SH3GL2: variants seen among roughly 807,000 people sequenced by gnomAD.
SH3GL2 encodes SH3 domain containing GRB2 like 2, endophilin A1.
Under a neutral mutation model 46.0 loss-of-function variants are expected in SH3GL2, and 24 were observed. The ratio of observed to expected loss-of-function variants is 0.52; its 90% CI spans 0.38 to 0.73. The LOEUF (loss-of-function observed/expected upper bound fraction) is 0.73. SH3GL2 is among the 30% of genes least tolerant of loss of function. The pLI, the probability that SH3GL2 is intolerant of heterozygous loss-of-function variation, is 0.00. For missense variants in SH3GL2, 413 were observed against 424.2 expected, an observed-to-expected ratio of 0.97 and a Z score of 0.23; for synonymous variants, 196 against 147.1, an observed-to-expected ratio of 1.33 and a Z score of -2.40.
At chr9:17,650,112 A>G (rs978521331) in intron 1 of SH3GL2, among the ~76,000 whole-genome samples, 1 of 152,228 alleles carries the variant, frequency 6.6e-6, no homozygotes, top group African/African-American at 2.4e-5. Context: ...TTTTCACTTA[A>G]GAACAGCAGT....
intron 1 of SH3GL2, among the ~76,000 whole-genome samples, chr9:17,648,319 G>A (rs534539758): frequency 4.4e-4 from 67 of 152,256 alleles, no homozygotes; most frequent in African/African-American, 1.6e-3. Context: ...ATGTACAAAG[G>A]TGCTGTACAA....
At chr9:17,786,667 T>C in intron 4 of SH3GL2, 143 bp downstream of exon 4, 1 of 749,992 alleles carries the variant, frequency 1.3e-6, no homozygotes, top group Non-Finnish European at 2.2e-6. Flanking sequence ...GCCAAAAATT[T>C]GTTTTCAGAA....
chr9:17,706,934 T>C (rs914241827), intron 1 of SH3GL2, among the ~76,000 whole-genome samples: 6 of 152,102 alleles, frequency 3.9e-5, no homozygotes, highest in African/African-American at 1.4e-4. Flanking sequence ...GCAGTGTGCT[T>C]TGGCCAGAGA....
chr9:17,693,783 G>T (rs1248093631), intron 1 of SH3GL2, among the ~76,000 whole-genome samples: 1 of 152,190 alleles, frequency 6.6e-6, no homozygotes, highest in East Asian at 1.9e-4. Context: ...CAAGGCTTTT[G>T]ATGGGAGAGG....
chr9:17,678,502 C>T (rs970936321), intron 1 of SH3GL2, among the ~76,000 whole-genome samples: 11 of 152,036 alleles, frequency 7.2e-5, no homozygotes, highest in East Asian at 5.8e-4. Context: ...TGTAAATTTG[C>T]TTGAGTTCAT....
Position 17,789,830 on chromosome 9 carries a change from T to C in SH3GL2, c.624+280T>C, listed in dbSNP as rs997172931. 4.4e-6 allele frequency: 4 copies of C among 902,980 alleles called. No individual in the cohort carries two copies. The African/African-American group carries it at 7.2e-5, about 16-fold the overall frequency. 55.9% of individuals were successfully genotyped at this position (902,980 alleles called of 1,614,324 possible). A position where few individuals can be genotyped will look rare whatever the true frequency, so the allele number is the denominator to read the frequency against. ...TGATGGGGTTAAAGTCTTGAATATA[T>C]CATGTAATTTATCGAATAACGCATT... On this transcript the variant is annotated intron_variant, in intron 6 of 8. Coordinates refer to ENST00000380607, the MANE Select transcript of SH3GL2 (RefSeq NM_003026.5).
At chr9:17,640,505 A>G (rs1357640558) in intron 1 of SH3GL2, among the ~76,000 whole-genome samples, 1 of 152,154 alleles carries the variant, frequency 6.6e-6, no homozygotes, top group Non-Finnish European at 1.5e-5. Flanking sequence ...ATTAAAGAAA[A>G]CCAACAACGT....
intron 1 of SH3GL2, among the ~76,000 whole-genome samples, chr9:17,744,238 A>T (rs1822616225): frequency 2.0e-5 from 3 of 152,192 alleles, no homozygotes; most frequent in Non-Finnish European, 4.4e-5. Context: ...AAAATGAGAG[A>T]TAGGGAATCA....
At chr9:17,651,604 G>T (rs1326320632) in intron 1 of SH3GL2, among the ~76,000 whole-genome samples, 1 of 152,072 alleles carries the variant, frequency 6.6e-6, no homozygotes, top group Non-Finnish European at 1.5e-5. Flanking sequence ...GTATATCTTT[G>T]TTTTAGCAGT....
intron 3 of SH3GL2, among the ~76,000 whole-genome samples, chr9:17,783,653 T>G (rs1321341606): frequency 1.3e-5 from 2 of 152,096 alleles, no homozygotes; most frequent in African/African-American, 4.8e-5. Flanking sequence ...AAAAAGAAAC[T>G]ACTCATTTTA....
intron 1 of SH3GL2, among the ~76,000 whole-genome samples, chr9:17,584,717 A>T (rs1364857246): frequency 6.6e-6 from 1 of 152,176 alleles, no homozygotes; most frequent in Non-Finnish European, 1.5e-5. Flanking sequence ...CTTGCATAAT[A>T]AGGATCACTT....
intron 1 of SH3GL2, among the ~76,000 whole-genome samples, chr9:17,678,705 C>T (rs1355924303): frequency 1.3e-5 from 2 of 152,152 alleles, no homozygotes; most frequent in Non-Finnish European, 2.9e-5. Flanking sequence ...AAGTCCTTGC[C>T]CATGCCCATG....
chr9:17,793,197 A>C (rs1157103654), intron 7 of SH3GL2, among the ~76,000 whole-genome samples, 170 bp from the exon 8 acceptor site: 1 of 152,196 alleles, frequency 6.6e-6, no homozygotes, highest in African/African-American at 2.4e-5. Flanking sequence ...ACATCACCAA[A>C]ATCTCAGACA....
At chr9:17,678,334 G>T (rs1284635935) in intron 1 of SH3GL2, among the ~76,000 whole-genome samples, 1 of 152,146 alleles carries the variant, frequency 6.6e-6, no homozygotes, top group African/African-American at 2.4e-5. Flanking sequence ...ATTGTAACTG[G>T]TATGAGATGG....
intron 3 of SH3GL2, among the ~76,000 whole-genome samples, chr9:17,776,146 C>T (rs13291415): frequency 0.17 from 25,353 of 152,088 alleles, 2,456 homozygotes; most frequent in Middle Eastern, 0.26. Context: ...TTTCACACCC[C>T]TGTGCCTCTG....
At chr9:17,752,798 T>G (rs1822884136) in intron 2 of SH3GL2, among the ~76,000 whole-genome samples, 1 of 152,156 alleles carries the variant, frequency 6.6e-6, no homozygotes, top group Non-Finnish European at 1.5e-5. Context: ...ACAGATGATT[T>G]TATCACCCAG....
chr9:17,708,521 T>G (rs1018953424), intron 1 of SH3GL2, among the ~76,000 whole-genome samples: 1 of 152,034 alleles, frequency 6.6e-6, no homozygotes, highest in Non-Finnish European at 1.5e-5. Context: ...CTTGACTTTC[T>G]TAGAAATTTG....
intron 1 of SH3GL2, among the ~76,000 whole-genome samples, chr9:17,657,252 A>G (rs575209403): frequency 6.6e-6 from 1 of 152,316 alleles, no homozygotes; most frequent in Non-Finnish European, 1.5e-5. Context: ...GTAGTATGAG[A>G]AAGAGATACA....
intron 2 of SH3GL2, among the ~76,000 whole-genome samples, chr9:17,756,491 G>A (rs1229986701): frequency 2.7e-5 from 3 of 113,024 alleles, no homozygotes; most frequent in Non-Finnish European, 3.4e-5. Flanking sequence ...CCACCCCACG[G>A]CAGGCCCCCA....
Sources: allele counts gnomAD v4.1 joint callset (sites outside exome capture counted in the v4.1 genomes callset), GRCh38; gene constraint gnomAD v4.1.1; transcripts MANE v1.5; gene names NCBI Gene and HGNC (gene_info 2026-07-23, HGNC 2026-07-21).